Variants in ADAMTS19 observed in about 807,000 individuals in gnomAD.
ADAMTS19 encodes the protein ADAM metallopeptidase with thrombospondin type 1 motif 19, also known as A disintegrin and metalloproteinase with thrombospondin motifs 19.
Under a neutral mutation model 153.3 loss-of-function variants are expected in ADAMTS19, and 93 were observed. The observed-to-expected ratio is 0.61, with a 90% confidence interval of 0.51 to 0.72. The LOEUF (loss-of-function observed/expected upper bound fraction) is 0.72. Among genes scored for constraint, ADAMTS19 ranks in the 30% least tolerant of loss-of-function variants. The pLI, the probability that ADAMTS19 is intolerant of heterozygous loss-of-function variation, is 0.00. For missense variants in ADAMTS19, 1,482 were observed against 1,552.1 expected (o/e 0.95, Z 0.76); for synonymous variants, 600 against 556.6 (o/e 1.08, Z -1.10).
chr5:129,675,952 C>A (rs30653), intron 16 of ADAMTS19, among the ~76,000 whole-genome samples: 4 of 152,060 alleles, frequency 2.6e-5, no homozygotes, highest in Admixed American at 6.5e-5. Context: ...TGCTTGAACC[C>A]ATGAGGCAGA....
intron 8 of ADAMTS19, among the ~76,000 whole-genome samples, chr5:129,609,998 A>C (rs1751116459): frequency 6.6e-6 from 1 of 152,114 alleles, no homozygotes; most frequent in Admixed American, 6.6e-5. Context: ...AAATCAGTAG[A>C]CATTTAACAA....
At chr5:129,506,108 C>G (rs1751261505) in intron 2 of ADAMTS19, among the ~76,000 whole-genome samples, 1 of 152,054 alleles carries the variant, frequency 6.6e-6, no homozygotes, top group Non-Finnish European at 1.5e-5. Context: ...GCAGATAAAA[C>G]AATTTATTTT....
intron 2 of ADAMTS19, among the ~76,000 whole-genome samples, chr5:129,493,407 G>A (rs1478939258): frequency 7.3e-5 from 8 of 110,036 alleles, no homozygotes; most frequent in Non-Finnish European, 1.2e-4. Flanking sequence ...CTACAGGTGT[G>A]CTATAATCAT....
In ADAMTS19 at chr5:129,546,265, T is replaced by C. The variant is rs570621536; in HGVS notation, c.1329-5599T>C. ...GTGGGGGCAGGCGGGAGGGATAGCA[T>C]TGGGAGATATACCTAATGCTAGATG... On this transcript the variant is annotated intron_variant, in intron 6 of 22. Coordinates refer to ENST00000274487, the MANE Select transcript of ADAMTS19 (RefSeq NM_133638.6). Among the ~76,000 whole-genome samples the C allele has an allele frequency of 2.7e-5, 4 of 150,264 alleles. No homozygotes were observed. The East Asian group carries it at 5.8e-4, about 22-fold the overall frequency.
intron 2 of ADAMTS19, among the ~76,000 whole-genome samples, chr5:129,496,997 A>G (rs1750946459): frequency 6.6e-6 from 1 of 152,120 alleles, no homozygotes; most frequent in Non-Finnish European, 1.5e-5. Context: ...ATGGATGAAG[A>G]CATGGAAATG....
intron 17 of ADAMTS19, among the ~76,000 whole-genome samples, chr5:129,680,739 G>T (rs1754765334): frequency 1.3e-5 from 2 of 149,748 alleles, no homozygotes; most frequent in Middle Eastern, 3.4e-3. Flanking sequence ...TCCAGCCTGG[G>T]TGACAGAGGG....
intron 7 of ADAMTS19, among the ~76,000 whole-genome samples, chr5:129,565,577 G>C (rs567726420): frequency 6.6e-6 from 1 of 152,110 alleles, no homozygotes; most frequent in Non-Finnish European, 1.5e-5. Flanking sequence ...CTAGATGCTA[G>C]AAATAGAGTG....
At chr5:129,480,099 G>C (rs1030322167) in intron 2 of ADAMTS19, among the ~76,000 whole-genome samples, 1 of 152,112 alleles carries the variant, frequency 6.6e-6, no homozygotes, top group African/African-American at 2.4e-5. Flanking sequence ...TTGGAACAAA[G>C]AGGCATATGG....
At chr5:129,592,395 A>AT (rs1178459922) in intron 7 of ADAMTS19, among the ~76,000 whole-genome samples, 2 of 151,498 alleles carry the variant, frequency 1.3e-5, no homozygotes, top group African/African-American at 2.4e-5. Context: ...AAAAAAAAAA[A>AT]AAAAGTGCTT....
chr5:129,574,856 C>T (rs1375327337), intron 7 of ADAMTS19, among the ~76,000 whole-genome samples: 1 of 105,228 alleles, frequency 9.5e-6, no homozygotes, highest in African/African-American at 2.6e-5. Context: ...TCAAAGCATT[C>T]TTGAAAAAAA....
chr5:129,723,211 A>T (rs890719641), intron 21 of ADAMTS19, among the ~76,000 whole-genome samples: 1 of 152,094 alleles, frequency 6.6e-6, no homozygotes, highest in Non-Finnish European at 1.5e-5. Flanking sequence ...AGTTAAGTAA[A>T]CTTCGACTCT....
intron 2 of ADAMTS19, among the ~76,000 whole-genome samples, chr5:129,464,513 C>T (rs1389589519): frequency 2.0e-5 from 3 of 152,118 alleles, no homozygotes; most frequent in Non-Finnish European, 4.4e-5. Context: ...CCTACTGGTA[C>T]CTGAACTTTT....
intron 8 of ADAMTS19, among the ~76,000 whole-genome samples, chr5:129,613,880 A>G (rs1008720151): frequency 7.9e-5 from 12 of 152,172 alleles, no homozygotes; most frequent in Non-Finnish European, 1.5e-4. Flanking sequence ...CAGAAATACA[A>G]ACTACCATCA....
intron 14 of ADAMTS19, among the ~76,000 whole-genome samples, chr5:129,658,363 A>AAG (rs1245164052): frequency 1.6e-5 from 2 of 121,478 alleles, no homozygotes; most frequent in Non-Finnish European, 3.4e-5. Flanking sequence ...GAAAGAAAGA[A>AAG]AGAAAGAGAG....
At chr5:129,492,506 A>AGTGTGTGTGT (rs148015134) in intron 2 of ADAMTS19, among the ~76,000 whole-genome samples, 17,380 of 146,296 alleles carry the variant, frequency 0.12, 1,123 homozygotes, top group Middle Eastern at 0.17. Flanking sequence ...ATTAAAGGTC[A>AGTGTGTGTGT]GTGTGTGTGT....
rs1430958749 is a variant in ADAMTS19, at chr5:129,527,786, G to A, written c.1125G>A (p.Gln375=). ...TCCAACACAAGAGTCTGAGTGTGCA[G>A]GTCAATCTTCGTGTGATAAAGCTTA... ...NLFQHKSLSV[Q]VNLRVIKLIL... Residue 375 remains glutamine, a synonymous_variant, in exon 5 of 23, where the codon CAG becomes CAA. Coordinates refer to ENST00000274487, the MANE Select transcript of ADAMTS19 (RefSeq NM_133638.6). 2.5e-6 allele frequency: 4 copies of A among 1,600,876 alleles called. No homozygotes were observed. The highest frequency in any genetic ancestry group is 3.4e-6 in the Non-Finnish European group (4 of 1,170,846).
intron 19 of ADAMTS19, among the ~76,000 whole-genome samples, chr5:129,700,225 ATACGTATGTAT>A (rs1373537485): frequency 6.6e-6 from 1 of 152,214 alleles, no homozygotes; most frequent in Non-Finnish European, 1.5e-5. Context: ...AGATATTAAA[ATACGTATGTAT>A]TAGCTGCTGA....
chr5:129,483,331 T>G, intron 2 of ADAMTS19, among the ~76,000 whole-genome samples: 1 of 152,214 alleles, frequency 6.6e-6, no homozygotes, highest in East Asian at 1.9e-4. Context: ...ATTTTCTACC[T>G]CATATGGTTA....
intron 7 of ADAMTS19, among the ~76,000 whole-genome samples, chr5:129,577,942 G>C (rs916322813): frequency 6.7e-6 from 1 of 149,302 alleles, no homozygotes; most frequent in Admixed American, 6.7e-5. Context: ...ATAATTCATT[G>C]ATTTTCCTCT....
Sources: gnomAD v4.1 joint callset for allele counts (sites outside exome capture counted in the v4.1 genomes callset) on GRCh38, gnomAD v4.1.1 for gene constraint, MANE v1.5 for transcripts, NCBI Gene and HGNC (gene_info 2026-07-23, HGNC 2026-07-21) for gene names.